SCML4: variants seen among roughly 807,000 people sequenced by gnomAD.
SCML4 encodes the protein sex comb on midleg-like protein 4.
SCML4 carries 34 observed loss-of-function variants against 41.1 expected under a neutral mutation model. The ratio of observed to expected loss-of-function variants is 0.83; its 90% CI spans 0.63 to 1.10. The LOEUF is 1.10. Ranked by LOEUF, SCML4 falls within the 50% of genes least tolerant of loss-of-function variation. The pLI, the probability that SCML4 is intolerant of heterozygous loss-of-function variation, is 0.00. For missense variants in SCML4, 522 were observed against 534.1 expected, an observed-to-expected ratio of 0.98 and a Z score of 0.22; for synonymous variants, 214 against 220.9, an observed-to-expected ratio of 0.97 and a Z score of 0.28.
intron 1 of SCML4, among the ~76,000 whole-genome samples, chr6:107,787,947 C>T (rs1460209159): frequency 6.6e-6 from 1 of 152,190 alleles, no homozygotes; most frequent in African/African-American, 2.4e-5. Flanking sequence ...TATGTAATGA[C>T]ACATAGCAAC....
intron 5 of SCML4, among the ~76,000 whole-genome samples, chr6:107,725,768 C>T (rs1408991701): frequency 1.3e-5 from 2 of 152,108 alleles, no homozygotes; most frequent in African/African-American, 4.8e-5. Context: ...ATAAATTAGA[C>T]TTCATCAAAA....
intron 1 of SCML4, among the ~76,000 whole-genome samples, chr6:107,782,130 G>A (rs1781549201): frequency 6.6e-6 from 1 of 152,238 alleles, no homozygotes; most frequent in Non-Finnish European, 1.5e-5. Flanking sequence ...GCACAGTGAA[G>A]CGGGAAAAAC....
chr6:107,803,954 T>C (rs1230089111), intron 1 of SCML4, among the ~76,000 whole-genome samples: 6 of 151,486 alleles, frequency 4.0e-5, no homozygotes, highest in Non-Finnish European at 5.9e-5. Context: ...CCAGAGACCT[T>C]TGTTCACTTG....
chr6:107,773,306 G>A (rs1780661275), intron 1 of SCML4, among the ~76,000 whole-genome samples: 1 of 151,940 alleles, frequency 6.6e-6, no homozygotes, highest in African/African-American at 2.4e-5. Context: ...AATAAGGCCG[G>A]GCACACCAGG....
chr6:107,731,267 A>G (rs1267900228), intron 5 of SCML4, among the ~76,000 whole-genome samples: 2 of 152,266 alleles, frequency 1.3e-5, no homozygotes, highest in Non-Finnish European at 2.9e-5. Context: ...TTAACTGCTT[A>G]CAGCCCAGTG....
intron 5 of SCML4, among the ~76,000 whole-genome samples, chr6:107,728,547 T>C (rs1030874501): frequency 1.3e-5 from 2 of 152,148 alleles, no homozygotes; most frequent in Non-Finnish European, 2.9e-5. Flanking sequence ...AGGTGGAGGT[T>C]GCAGTGAGCT....
rs181997871 is a variant in SCML4, at chr6:107,710,448, G to A, written c.974-2437C>T. ...AGCATTGTATGTGAGGAGGTGAAGCGGACAAAAGCATGGCAAGAGCTGATT... is the reference window on the plus strand; with the variant it reads ...AGCATTGTATGTGAGGAGGTGAAGCAGACAAAAGCATGGCAAGAGCTGATT... On this transcript the variant is annotated intron_variant, in intron 6 of 7. Transcript: ENST00000369020. Among the ~76,000 whole-genome samples, 499 of 93,558 alleles carry A rather than the reference G, an allele frequency of 5.3e-3. 39 individuals carry two copies. Among genetic ancestry groups the A allele is most frequent in the African/African-American group, 0.019 (463 of 24,540 alleles). 61.4% of individuals were successfully genotyped at this position (93,558 alleles called of 152,430 possible). A position where few individuals can be genotyped will look rare whatever the true frequency, so the allele number is the denominator to read the frequency against.
intron 1 of SCML4, among the ~76,000 whole-genome samples, chr6:107,785,577 A>T (rs995198689): frequency 2.0e-5 from 3 of 152,186 alleles, no homozygotes; most frequent in Admixed American, 6.5e-5. Context: ...CTCAGAGAGG[A>T]TCACAGGTCA....
In SCML4 at chr6:107,709,238, A is replaced by G. The variant is rs913130475; in HGVS notation, c.974-1227T>C. 2.6e-5 allele frequency among the ~76,000 whole-genome samples: 4 copies of G among 152,274 alleles called. No homozygotes were observed. In the South Asian group the frequency reaches 8.3e-4, roughly 32 times the overall value. On this transcript the variant is annotated intron_variant, in intron 6 of 7. Transcript: ENST00000369020. ...CAAGGTCAAGGGCTCTCTTGGTCTTAATAATATTTTTCCTTCTTAATGGAG... is the reference window on the plus strand; with the variant it reads ...CAAGGTCAAGGGCTCTCTTGGTCTTGATAATATTTTTCCTTCTTAATGGAG...
At chr6:107,828,419 C>T (rs1785315114), upstream of SCML4, among the ~76,000 whole-genome samples, 1 of 152,230 alleles carries the variant, frequency 6.6e-6, no homozygotes, top group Admixed American at 6.5e-5. Flanking sequence ...TCTGCTGAAA[C>T]AGGATGACGC....
At chr6:107,708,595 T>A (rs900707323) in intron 6 of SCML4, among the ~76,000 whole-genome samples, 1 of 152,186 alleles carries the variant, frequency 6.6e-6, no homozygotes, top group African/African-American at 2.4e-5. Context: ...TGGTCACACA[T>A]GCAGAAAGAA....
intron 5 of SCML4, among the ~76,000 whole-genome samples, chr6:107,734,382 T>C (rs1426322571): frequency 1.3e-5 from 2 of 152,246 alleles, no homozygotes; most frequent in Admixed American, 6.5e-5. Context: ...ATATTGAAGA[T>C]ACCTTGGGCG....
Position 107,799,060 on chromosome 6 carries a change from A to G in SCML4, c.-60+25066T>C, listed in dbSNP as rs570984094. 3.3e-5 allele frequency among the ~76,000 whole-genome samples: 5 copies of G among 152,282 alleles called. No individual in the cohort carries two copies. In the East Asian group the frequency reaches 9.6e-4, roughly 29 times the overall value. On this transcript the variant is annotated intron_variant, in intron 1 of 7. Coordinates refer to ENST00000369020, the MANE Select transcript of SCML4 (RefSeq NM_198081.5). ...GTATTCTGTAGTTCTATAGTGTTCT[A>G]TAAATACCTATTAGTTAAGTTAGTT...
chr6:107,748,038 C>G (rs993231751), intron 3 of SCML4, among the ~76,000 whole-genome samples: 4 of 152,118 alleles, frequency 2.6e-5, no homozygotes, highest in African/African-American at 9.7e-5. Flanking sequence ...CCTGGCCGAC[C>G]TCTTGAGAAA....
At chr6:107,801,368 C>G (rs1783107876) in intron 1 of SCML4, among the ~76,000 whole-genome samples, 1 of 152,178 alleles carries the variant, frequency 6.6e-6, no homozygotes, top group South Asian at 2.1e-4. Context: ...AAGTCATCCT[C>G]CCAGATGGCT....
intron 5 of SCML4, among the ~76,000 whole-genome samples, chr6:107,724,573 C>T (rs1333453237): frequency 1.3e-5 from 2 of 151,816 alleles, no homozygotes; most frequent in Non-Finnish European, 2.9e-5. Context: ...ATAACTTTAA[C>T]AAAAGTTCAA....
chr6:107,730,893 T>C (rs1445740623), intron 5 of SCML4, among the ~76,000 whole-genome samples: 1 of 152,180 alleles, frequency 6.6e-6, no homozygotes, highest in Admixed American at 6.5e-5. Flanking sequence ...GCCTTCCGGT[T>C]TAGGGATCAA....
At chr6:107,708,356 A>G (rs2493445) in intron 6 of SCML4, among the ~76,000 whole-genome samples, 105,807 of 151,928 alleles carry the variant, frequency 0.7, 37,310 homozygotes, top group Admixed American at 0.79. Context: ...CTTTCTCGGC[A>G]GGCCCAGGGC....
At chr6:107,824,034 G>GA (rs1423237746) in intron 1 of SCML4, 92 bp downstream of exon 1, 3 of 152,156 alleles carry the variant, frequency 2.0e-5, no homozygotes, top group South Asian at 2.1e-4. Context: ...ATGCAACCCA[G>GA]AAAAAACTGA....
Sources: allele counts gnomAD v4.1 joint callset (sites outside exome capture counted in the v4.1 genomes callset), GRCh38; gene constraint gnomAD v4.1.1; transcripts MANE v1.5; gene names NCBI Gene and HGNC (gene_info 2026-07-23, HGNC 2026-07-21).